HSD17B14: variants seen among roughly 807,000 people sequenced by gnomAD.
HSD17B14 encodes hydroxysteroid 17-beta dehydrogenase 14.
In HSD17B14, 32 loss-of-function variants were observed where a neutral mutation model predicts 32.2. The observed-to-expected ratio is 0.99, with a 90% CI of 0.75 to 1.33. The LOEUF (loss-of-function observed/expected upper bound fraction) is 1.33. Among genes scored for constraint, HSD17B14 ranks in the 40% most tolerant of loss-of-function variants. The pLI, the probability that HSD17B14 is intolerant of heterozygous loss-of-function variation, is 0.00. For missense variants in HSD17B14, 370 were observed against 366.5 expected, an observed-to-expected ratio of 1.01 and a Z score of -0.08; for synonymous variants, 140 against 155.4, an observed-to-expected ratio of 0.90 and a Z score of 0.74.
At position 48,834,273 on chromosome 19, in the gene HSD17B14, T is replaced by A; in HGVS notation, c.210+3A>T. On this transcript the variant is annotated splice_donor_region_variant and intron_variant, in intron 3 of 8. Transcript: ENST00000263278. ...TGGGGGTAGGAACAGGAACTCGGCT[T>A]ACCTTCACATCATCTTCCTGAGTCA... 6.2e-7 allele frequency: 1 copy of A among 1,613,212 alleles called. No homozygotes were observed. The highest frequency in any genetic ancestry group is 8.5e-7 in the Non-Finnish European group (1 of 1,179,276).
Position 48,813,361 on chromosome 19 carries a change from GA to G in HSD17B14, c.640-14del. 1.3e-6 allele frequency: 2 copies of G among 1,564,980 alleles called. No individual in the cohort carries two copies. Among genetic ancestry groups the G allele is most frequent in the Non-Finnish European group, 1.7e-6 (2 of 1,154,132 alleles). ...TGCGGCCCAGTGGCTGGGGAGAAAA[GA>G]GGGGGGAAGGAGGTCAAGAGGAGCC... On this transcript the variant is annotated splice_polypyrimidine_tract_variant and intron_variant, in intron 8 of 8. Coordinates refer to ENST00000263278, the MANE Select transcript of HSD17B14 (RefSeq NM_016246.3).
chr19:48,834,973 C>T (rs1332613908), intron 2 of HSD17B14, among the ~76,000 whole-genome samples: 7 of 15,390 alleles, frequency 4.5e-4, no homozygotes, highest in South Asian at 7.8e-3. Flanking sequence ...GGGCTGGGGG[C>T]CTGGACTCCT....
chr19:48,829,385 T>C (rs915646538), intron 5 of HSD17B14, among the ~76,000 whole-genome samples: 2 of 151,288 alleles, frequency 1.3e-5, no homozygotes, highest in Non-Finnish European at 2.9e-5. Flanking sequence ...AGAGTTTCAC[T>C]CTGTCACCCA....
intron 5 of HSD17B14, among the ~76,000 whole-genome samples, chr19:48,818,118 C>T (rs1007430763): frequency 2.0e-5 from 3 of 151,946 alleles, no homozygotes; most frequent in Admixed American, 1.3e-4. Flanking sequence ...CAAGACCAGA[C>T]TGGTCAACAT....
chr19:48,832,758 T>A (rs2035365910), intron 3 of HSD17B14, 26 bp from the exon 4 acceptor site: 1 of 827,252 alleles, frequency 1.2e-6, no homozygotes, highest in Non-Finnish European at 1.7e-6. Flanking sequence ...ATGTCCTTTG[T>A]TTTTTTTTTT....
At position 48,835,829 on chromosome 19, in the gene HSD17B14, G is replaced by C. The variant is rs11547570; in HGVS notation, c.103C>G (p.Arg35Gly). 8 of 1,613,478 alleles carry C rather than the reference G, an allele frequency of 5.0e-6. No homozygotes were observed. Among genetic ancestry groups the C allele is most frequent in the Non-Finnish European group, 5.9e-6 (7 of 1,179,734 alleles). The change falls in exon 2 of 9, where the codon CGA becomes GGA. Residue 35 changes from arginine (R) to glycine (G), a missense_variant. By Grantham distance (125) the Arg-to-Gly change is moderately radical. Transcript: ENST00000263278. ...IVRAFVNSGA[R>G]VVICDKDESG... is the part of the protein sequence containing the mutation. ...CCATCCTTGTCGCAGATAACCACTC[G>C]GGCCCCGCTGTTCACTGAGAATAGG...
chr19:48,834,400 C>G lies in HSD17B14; in HGVS notation c.128-42G>C, dbSNP rs143905588. The stretch of plus-strand genomic sequence containing the variant: ...GCTGGGAGCCTGGACCCCTGGGTCT[C>G]AGGGAGGAGGGGTTGGGGACTTGGA... On this transcript the variant is annotated intron_variant, in intron 2 of 8. Coordinates refer to ENST00000263278, the MANE Select transcript of HSD17B14 (RefSeq NM_016246.3). 74,666 of 1,243,112 alleles carry G rather than the reference C, an allele frequency of 0.06. 3,127 individuals are homozygous for G. The highest frequency in any genetic ancestry group is 0.068 in the Non-Finnish European group (59,646 of 881,940). 77.0% of individuals were successfully genotyped at this position (1,243,112 alleles called of 1,614,324 possible). A position where few individuals can be genotyped will look rare whatever the true frequency, so the allele number is the denominator to read the frequency against.
intron 2 of HSD17B14, 41 bp from the exon 3 acceptor site, chr19:48,834,399 TCAGG>T (rs762835964): frequency 1.5e-6 from 2 of 1,317,238 alleles, no homozygotes; most frequent in Non-Finnish European, 2.1e-6. Flanking sequence ...CCCCTGGGTC[TCAGG>T]GAGGAGGGGT....
rs373318560 is a variant in HSD17B14 at position 48,835,993 on chromosome 19, C to A, written c.89-150G>T. On this transcript the variant is annotated intron_variant, in intron 1 of 8. Transcript: ENST00000263278. ...ATAGGACAGAGGGCAGACGCCTTGA[C>A]ACATACTCTCCTTGCCTTGTTTCTG... 63 of 698,098 alleles carry A rather than the reference C, an allele frequency of 9.0e-5. No individual in the cohort carries two copies. In the African/African-American group the frequency reaches 9.3e-4, roughly 10 times the overall value. The allele number at this position is 698,098 out of a possible 1,614,324, so 43.2% of individuals were successfully genotyped here.
At chr19:48,829,635 CTTTTTTTT>C (rs34096239) in intron 5 of HSD17B14, among the ~76,000 whole-genome samples, 1 of 76,088 alleles carries the variant, frequency 1.3e-5, no homozygotes, top group Non-Finnish European at 2.4e-5. Context: ...CCAGGCCTGG[CTTTTTTTT>C]TTTTTTTTTT....
chr19:48,836,213 A>G (rs2035510264), intron 1 of HSD17B14, 111 bp downstream of exon 1: 2 of 1,141,902 alleles, frequency 1.8e-6, no homozygotes, highest in Admixed American at 2.2e-5. Context: ...GGCTTTTATA[A>G]TATCAGAATC....
chr19:48,816,860 G>C (rs982009637), intron 5 of HSD17B14, among the ~76,000 whole-genome samples: 4 of 122,784 alleles, frequency 3.3e-5, no homozygotes, highest in Non-Finnish European at 6.9e-5. Context: ...CTTTCAGATA[G>C]GGTATCACTC....
chr19:48,834,335 G>C lies in HSD17B14; in HGVS notation c.151C>G (p.Gln51Glu). The change falls in exon 3 of 9, where the codon CAG (glutamine) becomes GAG (glutamate). Residue 51 changes from glutamine to glutamate, a missense_variant. Coordinates refer to ENST00000263278, the MANE Select transcript of HSD17B14 (RefSeq NM_016246.3). The part of the protein sequence containing the change: ...KDESGGRALE[Q>E]ELPGAVFILC... ...ATAAAGACAGCTCCAGGGAGCTCCT[G>C]CTCCAGGGCCCGGCCCCCAGACTCT... 6.2e-7 allele frequency: 1 copy of C among 1,613,894 alleles called. No individual in the cohort carries two copies. Among genetic ancestry groups the C allele is most frequent in the Non-Finnish European group, 8.5e-7 (1 of 1,179,850 alleles).
intron 5 of HSD17B14, among the ~76,000 whole-genome samples, chr19:48,822,248 T>G (rs1392888901): frequency 6.9e-6 from 1 of 144,800 alleles, no homozygotes; most frequent in East Asian, 2.2e-4. Context: ...ATGTTGGTGA[T>G]GGTAAATTTT....
intron 5 of HSD17B14, among the ~76,000 whole-genome samples, chr19:48,822,819 A>G (rs967625535): frequency 2.0e-5 from 3 of 150,800 alleles, no homozygotes; most frequent in Admixed American, 2.0e-4. Flanking sequence ...GAGGTTGGGG[A>G]TGGTAATGAT....
At chr19:48,830,304 A>C (rs1230731852) in intron 5 of HSD17B14, among the ~76,000 whole-genome samples, 1 of 152,082 alleles carries the variant, frequency 6.6e-6, no homozygotes, top group African/African-American at 2.4e-5. Context: ...TAGTACCCTA[A>C]GCCCCCGCGT....
Position 48,834,300 on chromosome 19 carries a change from A to G in HSD17B14, c.186T>C (p.Asp62=), listed in dbSNP as rs199497852. The change falls in exon 3 of 9, where the codon GAT becomes GAC. Residue 62 remains aspartate (D), a synonymous_variant. Coordinates refer to ENST00000263278, the MANE Select transcript of HSD17B14 (RefSeq NM_016246.3). ...CCTTCACATCATCTTCCTGAGTCAC[A>G]TCACAGAGGATAAAGACAGCTCCAG... ...ELPGAVFILC[D]VTQEDDVKTL... 8.8e-5 allele frequency: 142 copies of G among 1,614,072 alleles called. 1 individual carries two copies. The Admixed American group carries it at 2.3e-3, about 26-fold the overall frequency.
chr19:48,813,679 C>A lies in HSD17B14; in HGVS notation c.526G>T (p.Gly176Cys). The A allele has an allele frequency of 6.2e-7, 1 of 1,614,168 alleles. No individual in the cohort carries two copies. Among genetic ancestry groups the A allele is most frequent in the Non-Finnish European group, 8.5e-7 (1 of 1,180,022 alleles). Residue 176 changes from glycine to cysteine, a missense_variant, in exon 7 of 9, where the codon GGT becomes TGT. Coordinates refer to ENST00000263278, the MANE Select transcript of HSD17B14 (RefSeq NM_016246.3). ...KALALDESPY[G>C]VRVNCISPGN... is the part of the protein sequence containing the mutation. ...GCAGCTCACCAGTTGACTCGGACAC[C>A]ATATGGACTTTCATCCAGGGCCAAA...
rs1221390145 is a variant in HSD17B14, at chr19:48,836,455, T to C, written c.-44A>G. ...TCTCTCTCTCTACTCTGGGCCTCTT[T>C]CACCTCCAAAGCCCCGTGAGGCCGT... is the stretch of plus-strand genomic sequence containing the variant. On this transcript the variant is annotated 5_prime_UTR_variant, in exon 1 of 9. Transcript: ENST00000263278. The C allele has an allele frequency of 6.3e-7, 1 of 1,593,406 alleles. No homozygotes were observed. Among genetic ancestry groups the C allele is most frequent in the African/African-American group, 1.3e-5 (1 of 74,692 alleles).
Sources: allele counts gnomAD v4.1 joint callset (sites outside exome capture counted in the v4.1 genomes callset), GRCh38; gene constraint gnomAD v4.1.1; transcripts MANE v1.5; gene names NCBI Gene and HGNC (gene_info 2026-07-23, HGNC 2026-07-21).